The following CMKLR2 variants were observed in gnomAD, a reference collection of about 807,000 sequenced individuals.
CMKLR2 encodes chemerin chemokine-like receptor 2.
Under a neutral mutation model 23.0 loss-of-function variants are expected in CMKLR2, and 18 were observed. The ratio of observed to expected loss-of-function variants is 0.78; its 90% CI spans 0.54 to 1.16. CMKLR2 has a LOEUF of 1.16. Among genes scored for constraint, CMKLR2 ranks in the 50% most tolerant of loss-of-function variants. The pLI is 0.00. For missense variants in CMKLR2, 401 were observed against 412.7 expected (o/e 0.97, Z 0.25); for synonymous variants, 158 against 158.9 (o/e 0.99, Z 0.05).
At chr2:206,204,464 A>G (rs1191838629) in intron 1 of CMKLR2, among the ~76,000 whole-genome samples, 1 of 152,144 alleles carries the variant, frequency 6.6e-6, no homozygotes, top group Non-Finnish European at 1.5e-5. Context: ...TTGCTGAAAC[A>G]TAGCAAATTC....
intron 1 of CMKLR2, among the ~76,000 whole-genome samples, chr2:206,209,320 CAG>C (rs1325089495): frequency 6.7e-5 from 10 of 149,588 alleles, no homozygotes; most frequent in African/African-American, 2.0e-4. Flanking sequence ...GCCTGGGTGA[CAG>C]AGTAAGACTC....
upstream of CMKLR2, among the ~76,000 whole-genome samples, chr2:206,216,251 CA>C (rs1689749879): frequency 1.3e-5 from 2 of 152,076 alleles, no homozygotes; most frequent in Admixed American, 1.3e-4. Flanking sequence ...GTCTGGAGTT[CA>C]AGACCAGCCT....
At chr2:206,196,914 T>A (rs1471605617) in intron 1 of CMKLR2, among the ~76,000 whole-genome samples, 1 of 152,078 alleles carries the variant, frequency 6.6e-6, no homozygotes, top group African/African-American at 2.4e-5. Context: ...ATATTCTTTT[T>A]TTGTTTGTTT....
intron 1 of CMKLR2, among the ~76,000 whole-genome samples, chr2:206,189,162 T>C (rs1170703628): frequency 1.3e-5 from 2 of 152,210 alleles, no homozygotes; most frequent in East Asian, 1.9e-4. Flanking sequence ...CAGTTTAGGC[T>C]CTAAGCTGAT....
chr2:206,206,584 C>A (rs75718591), intron 1 of CMKLR2, among the ~76,000 whole-genome samples: 1 of 152,210 alleles, frequency 6.6e-6, no homozygotes, highest in South Asian at 2.1e-4. Context: ...TATGCCCTAG[C>A]CTAAATCAGG....
chr2:206,194,701 G>T (rs1267115170), intron 1 of CMKLR2, among the ~76,000 whole-genome samples: 1 of 140,904 alleles, frequency 7.1e-6, no homozygotes, highest in Non-Finnish European at 1.5e-5. Flanking sequence ...CTCCCAAAGT[G>T]TTGGGATTAC....
intron 1 of CMKLR2, among the ~76,000 whole-genome samples, chr2:206,212,578 T>C (rs1417740676): frequency 6.6e-6 from 1 of 152,190 alleles, no homozygotes; most frequent in African/African-American, 2.4e-5. Flanking sequence ...AAAAGACAAT[T>C]GGTGCTCACA....
intron 1 of CMKLR2, among the ~76,000 whole-genome samples, chr2:206,186,488 T>C (rs928807393): frequency 6.6e-6 from 1 of 152,158 alleles, no homozygotes; most frequent in South Asian, 2.1e-4. Context: ...TTGAGCACTG[T>C]GGTGGAGCCC....
chr2:206,185,280 C>T (rs1034237630), intron 1 of CMKLR2, among the ~76,000 whole-genome samples: 1 of 152,176 alleles, frequency 6.6e-6, no homozygotes, highest in Admixed American at 6.5e-5. Context: ...GCCACTGCAC[C>T]CAGCCTGGTT....
chr2:206,193,694 T>C (rs1413665136), intron 1 of CMKLR2, among the ~76,000 whole-genome samples: 1 of 152,206 alleles, frequency 6.6e-6, no homozygotes, highest in Non-Finnish European at 1.5e-5. Context: ...ACCTACCAGA[T>C]TATAAAACTT....
chr2:206,215,630 TA>T (rs375164281), upstream of CMKLR2, among the ~76,000 whole-genome samples: 103 of 152,274 alleles, frequency 6.8e-4, 1 homozygote, highest in African/African-American at 2.4e-3. Context: ...AAACAATAAA[TA>T]AAAGGAATAA....
chr2:206,209,350 A>G (rs1233280764), intron 1 of CMKLR2, among the ~76,000 whole-genome samples: 1 of 152,042 alleles, frequency 6.6e-6, no homozygotes, highest in Non-Finnish European at 1.5e-5. Flanking sequence ...AAAAAAAAAA[A>G]AAGCACTTTT....
In CMKLR2 at chr2:206,177,208, T is replaced by G; in HGVS notation, c.40A>C (p.Asn14His). 3 of 1,608,488 alleles carry G rather than the reference T, an allele frequency of 1.9e-6. No individual in the cohort carries two copies. The highest frequency in any genetic ancestry group is 2.5e-6 in the Non-Finnish European group (3 of 1,177,946). ...TAATAGTCTAGGTCATAGGAATAGT[T>G]TTCAAATTCTTCAAATAATGTTTCC... The part of the protein sequence containing the change: ...LEETLFEEFE[N>H]YSYDLDYYSL... Residue 14 changes from asparagine to histidine, a missense_variant, in exon 2 of 2, where the codon AAC becomes CAC. By Grantham distance (68) the Asn-to-His change is moderately conservative. Transcript: ENST00000621141.
At chr2:206,206,362 A>G (rs1362492322) in intron 1 of CMKLR2, among the ~76,000 whole-genome samples, 2 of 152,228 alleles carry the variant, frequency 1.3e-5, no homozygotes, top group Non-Finnish European at 2.9e-5. Flanking sequence ...GCCATGTTTA[A>G]TGTTATCAAT....
At chr2:206,187,297 A>T (rs1018779202) in intron 1 of CMKLR2, among the ~76,000 whole-genome samples, 1 of 152,080 alleles carries the variant, frequency 6.6e-6, no homozygotes, top group Non-Finnish European at 1.5e-5. Context: ...AAAATAAAAT[A>T]AAAAAAAGAA....
chr2:206,208,097 G>A (rs901402108), intron 1 of CMKLR2, among the ~76,000 whole-genome samples: 4 of 151,964 alleles, frequency 2.6e-5, no homozygotes, highest in African/African-American at 9.7e-5. Context: ...ATCTGTTAAG[G>A]TGCTCATCTC....
chr2:206,209,211 G>T (rs573692329), intron 1 of CMKLR2, among the ~76,000 whole-genome samples: 1 of 152,002 alleles, frequency 6.6e-6, no homozygotes, highest in East Asian at 1.9e-4. Context: ...GGTGGTACAC[G>T]CCTGTAATCC....
rs190868716 is a variant in CMKLR2, at chr2:206,175,951, C to G, written c.*229G>C. 2.0e-5 allele frequency: 8 copies of G among 392,662 alleles called. No individual in the cohort carries two copies. Among genetic ancestry groups the G allele is most frequent in the African/African-American group, 1.6e-4 (8 of 48,580 alleles). 24.3% of individuals were successfully genotyped at this position (392,662 alleles called of 1,614,324 possible). ...CAGAAAAAAATTATGCGGATCCTTC[C>G]TAAGTATTTTCAGTTTTTTAAAAAA... is the stretch of plus-strand genomic sequence containing the variant. On this transcript the variant is annotated 3_prime_UTR_variant, in exon 2 of 2. Coordinates refer to ENST00000621141, the MANE Select transcript of CMKLR2 (RefSeq NM_001389445.1).
intron 1 of CMKLR2, among the ~76,000 whole-genome samples, chr2:206,200,926 C>T (rs556493220): frequency 4.7e-4 from 71 of 151,542 alleles, no homozygotes; most frequent in African/African-American, 1.6e-3. Context: ...CATGTTTTTT[C>T]CTTTTCTTTC....
Sources: gnomAD v4.1 joint callset for allele counts (sites outside exome capture counted in the v4.1 genomes callset) on GRCh38, gnomAD v4.1.1 for gene constraint, MANE v1.5 for transcripts, NCBI Gene and HGNC (gene_info 2026-07-23, HGNC 2026-07-21) for gene names.